Variants in STX8 observed in about 807,000 individuals in gnomAD.
STX8 encodes syntaxin 8.
A neutral mutation model predicts 37.5 loss-of-function variants in STX8; 23 were observed. The ratio of observed to expected loss-of-function variants is 0.61; its 90% CI spans 0.44 to 0.87. The LOEUF is 0.87. Among genes scored for constraint, STX8 ranks in the 40% least tolerant of loss-of-function variants. STX8 has a pLI of 0.00. For missense variants in STX8, 313 were observed against 284.7 expected, an observed-to-expected ratio of 1.10 and a Z score of -0.71; for synonymous variants, 115 against 99.1, an observed-to-expected ratio of 1.16 and a Z score of -0.95.
chr17:9,570,194 A>G (rs1313144584), intron 1 of STX8, among the ~76,000 whole-genome samples: 1 of 152,050 alleles, frequency 6.6e-6, no homozygotes, highest in Non-Finnish European at 1.5e-5. Context: ...CACTGAGGGA[A>G]CTTGATAAGT....
At chr17:9,425,721 T>TA (rs1913602099) in intron 6 of STX8, among the ~76,000 whole-genome samples, 1 of 152,218 alleles carries the variant, frequency 6.6e-6, no homozygotes, top group Non-Finnish European at 1.5e-5. Context: ...TCCAGTTAAG[T>TA]GACAGGCAAA....
intron 1 of STX8, chr17:9,569,750 A>T (rs1907610117): frequency 3.3e-5 from 5 of 152,160 alleles, no homozygotes; most frequent in Non-Finnish European, 7.3e-5. Flanking sequence ...GTTCGAGACC[A>T]GCCTGGCCAA....
intron 6 of STX8, among the ~76,000 whole-genome samples, chr17:9,429,304 ATTAT>A (rs973159084): frequency 7.0e-4 from 103 of 146,462 alleles, no homozygotes; most frequent in African/African-American, 1.5e-3. Flanking sequence ...ATATAAATAC[ATTAT>A]TTATATATTT....
intron 4 of STX8, among the ~76,000 whole-genome samples, chr17:9,515,488 G>GTCTTTCTCTCTCTC (rs1409615890): frequency 1.3e-5 from 2 of 149,740 alleles, no homozygotes; most frequent in East Asian, 3.9e-4. Flanking sequence ...TTTCTTTGAA[G>GTCTTTCTCTCTCTC]TCTTTCTCTC....
intron 4 of STX8, among the ~76,000 whole-genome samples, chr17:9,513,658 A>T (rs1324060975): frequency 3.3e-5 from 5 of 152,232 alleles, no homozygotes; most frequent in African/African-American, 1.2e-4. Flanking sequence ...TGATCCAGCA[A>T]TCCCCCTACT....
In STX8 at chr17:9,471,265, C is replaced by A. The variant is rs1316872844; in HGVS notation, c.541+20564G>T. On this transcript the variant is annotated intron_variant, in intron 6 of 7. Coordinates refer to ENST00000306357, the MANE Select transcript of STX8 (RefSeq NM_004853.3). ...CTCCCGGGTTCAAGCAATTCTCCTG[C>A]CTCAGCTTCCCGAGTAGCTGGGATT... 4.6e-5 allele frequency among the ~76,000 whole-genome samples: 7 copies of A among 150,590 alleles called. No individual in the cohort carries two copies. In the East Asian group the frequency reaches 8.0e-4, roughly 17 times the overall value.
chr17:9,399,632 G>A (rs1402579832), intron 6 of STX8, among the ~76,000 whole-genome samples: 2 of 152,040 alleles, frequency 1.3e-5, no homozygotes, highest in Non-Finnish European at 1.5e-5. Context: ...TTGGGAGGCC[G>A]AGGCAGGCAG....
At chr17:9,378,450 GA>G in intron 7 of STX8, 101 bp downstream of exon 7, 2 of 1,022,392 alleles carry the variant, frequency 2.0e-6, no homozygotes, top group Non-Finnish European at 3.0e-6. Context: ...TGTATCAGAA[GA>G]GCAACCAAAT....
chr17:9,562,285 A>G (rs1466239110), intron 2 of STX8, among the ~76,000 whole-genome samples: 3 of 152,152 alleles, frequency 2.0e-5, no homozygotes, highest in Admixed American at 2.0e-4. Context: ...GGGCGCCTGT[A>G]GCCCCAGCTA....
At chr17:9,508,552 C>T (rs991081281) in intron 4 of STX8, among the ~76,000 whole-genome samples, 3 of 152,212 alleles carry the variant, frequency 2.0e-5, no homozygotes, top group Admixed American at 2.0e-4. Flanking sequence ...TGGTATCGAA[C>T]TCCTAATCTC....
chr17:9,372,670 G>A (rs112478555), intron 7 of STX8, among the ~76,000 whole-genome samples: 1,603 of 151,406 alleles, frequency 0.011, 31 homozygotes, highest in African/African-American at 0.036. Context: ...TAGAGACAGG[G>A]TTTCAACATG....
intron 7 of STX8, among the ~76,000 whole-genome samples, chr17:9,259,116 A>G (rs577438249): frequency 1.3e-5 from 2 of 152,326 alleles, no homozygotes; most frequent in East Asian, 3.9e-4. Flanking sequence ...AGAAGACCTG[A>G]CTTCTAATCT....
At chr17:9,537,489 G>C (rs1906105718) in intron 4 of STX8, among the ~76,000 whole-genome samples, 1 of 152,220 alleles carries the variant, frequency 6.6e-6, no homozygotes, top group African/African-American at 2.4e-5. Flanking sequence ...TTACGTGACA[G>C]ACTTTACACG....
intron 2 of STX8, among the ~76,000 whole-genome samples, chr17:9,563,803 G>T (rs1002154375): frequency 4.6e-5 from 7 of 151,236 alleles, no homozygotes; most frequent in African/African-American, 1.7e-4. Context: ...GATAACATAA[G>T]ACAGAAAAAA....
At position 9,447,875 on chromosome 17, in the gene STX8, T is replaced by C. The variant is rs1298001600; in HGVS notation, c.541+43954A>G. ...TCAACTGAACTAAGTTTATGCATTT[T>C]CTAAAATATAAGAATATGGTTGGCC... On this transcript the variant is annotated intron_variant, in intron 6 of 7. Coordinates refer to ENST00000306357, the MANE Select transcript of STX8 (RefSeq NM_004853.3). 2.0e-5 allele frequency among the ~76,000 whole-genome samples: 3 copies of C among 152,090 alleles called. No homozygotes were observed. In the South Asian group the frequency reaches 6.2e-4, roughly 32 times the overall value.
chr17:9,370,733 T>C (rs1255425635), intron 7 of STX8, among the ~76,000 whole-genome samples: 1 of 152,212 alleles, frequency 6.6e-6, no homozygotes, highest in African/African-American at 2.4e-5. Flanking sequence ...TCTTTCACAA[T>C]TGGCGCCCTC....
At position 9,423,840 on chromosome 17, in the gene STX8, A is replaced by G. The variant is rs75031363; in HGVS notation, c.542-45187T>C. On this transcript the variant is annotated intron_variant, in intron 6 of 7. Transcript: ENST00000306357. ...CAGACCATCTTTAAAGACGCCGTCC[A>G]TATCAGTCACGGGCTGAGTTGCAAT... is the stretch of plus-strand genomic sequence containing the variant. Among the ~76,000 whole-genome samples the G allele has an allele frequency of 3.7e-3, 566 of 152,308 alleles. 5 individuals are homozygous for G. The highest frequency in any genetic ancestry group is 0.012 in the African/African-American group (518 of 41,570).
intron 6 of STX8, among the ~76,000 whole-genome samples, chr17:9,417,282 T>G (rs16958258): frequency 0.03 from 4,576 of 152,194 alleles, 246 homozygotes; most frequent in African/African-American, 0.1. Flanking sequence ...GATTACAGAG[T>G]TAGGGCCAAA....
chr17:9,431,455 T>TG (rs1373061983), intron 6 of STX8, among the ~76,000 whole-genome samples: 175 of 150,004 alleles, frequency 1.2e-3, no homozygotes, highest in African/African-American at 4.2e-3. Flanking sequence ...GTTGTTTTGT[T>TG]TTTTTTGTTT....
Sources: allele counts gnomAD v4.1 joint callset (sites outside exome capture counted in the v4.1 genomes callset), GRCh38; gene constraint gnomAD v4.1.1; transcripts MANE v1.5; gene names NCBI Gene and HGNC (gene_info 2026-07-23, HGNC 2026-07-21).